Variants in ERC2 observed in about 807,000 individuals in gnomAD.
The protein encoded by ERC2 is ERC protein 2.
In ERC2, 42 loss-of-function variants were observed where a neutral mutation model predicts 114.8. That is an observed-to-expected ratio of 0.37 (90% CI 0.29 to 0.47). The LOEUF (loss-of-function observed/expected upper bound fraction) is 0.47. Ranked by LOEUF, ERC2 falls within the 20% of genes least tolerant of loss-of-function variation. ERC2 has a pLI of 0.99. For synonymous variants in ERC2, 454 were observed against 425.5 expected (o/e 1.07, Z -0.82); for missense variants, 939 against 1,150.7 (o/e 0.82, Z 2.66).
intron 3 of ERC2, among the ~76,000 whole-genome samples, chr3:56,275,706 T>C (rs78535209): frequency 0.011 from 1,618 of 152,308 alleles, 25 homozygotes; most frequent in African/African-American, 0.037. Context: ...TCCCAGAAGA[T>C]GTTGATGCTG....
intron 6 of ERC2, among the ~76,000 whole-genome samples, chr3:56,117,606 G>A (rs1164317681): frequency 6.6e-6 from 1 of 152,212 alleles, no homozygotes; most frequent in Non-Finnish European, 1.5e-5. Flanking sequence ...CCCTCAAGGG[G>A]GTGTTGTGAA....
chr3:56,306,396 G>A (rs1205956507), intron 2 of ERC2, among the ~76,000 whole-genome samples: 1 of 152,148 alleles, frequency 6.6e-6, no homozygotes, highest in East Asian at 1.9e-4. Context: ...TATGACATAA[G>A]CATGTAATGG....
chr3:56,269,252 A>T (rs1238532244), intron 3 of ERC2, among the ~76,000 whole-genome samples: 1 of 152,202 alleles, frequency 6.6e-6, no homozygotes, highest in Admixed American at 6.5e-5. Context: ...GAGGAATTAG[A>T]TCCTTCCTGG....
At chr3:55,577,805 G>A (rs905481211) in intron 17 of ERC2, among the ~76,000 whole-genome samples, 5 of 152,114 alleles carry the variant, frequency 3.3e-5, no homozygotes, top group Admixed American at 6.5e-5. Context: ...ATGTTCCTGC[G>A]AAAGAAGAAG....
chr3:56,134,866 T>A (rs972013803), intron 6 of ERC2, among the ~76,000 whole-genome samples: 2 of 152,078 alleles, frequency 1.3e-5, no homozygotes, highest in African/African-American at 4.8e-5. Context: ...CCATGCCGAG[T>A]TGGAGAAAAG....
chr3:56,080,735 T>C (rs1318207700), intron 7 of ERC2, 82 bp downstream of exon 7: 21 of 1,404,664 alleles, frequency 1.5e-5, no homozygotes, highest in Non-Finnish European at 1.8e-5. Flanking sequence ...AAAGATCACT[T>C]ATTTTCCATG....
intron 12 of ERC2, among the ~76,000 whole-genome samples, chr3:55,970,987 C>A (rs1476051317): frequency 6.6e-6 from 1 of 152,064 alleles, no homozygotes; most frequent in Non-Finnish European, 1.5e-5. Context: ...TATACCCACA[C>A]AATGGAATAT....
chr3:56,104,898 T>C (rs929637036), intron 6 of ERC2, among the ~76,000 whole-genome samples: 4 of 152,040 alleles, frequency 2.6e-5, no homozygotes, highest in Non-Finnish European at 5.9e-5. Context: ...TTAGGTTATA[T>C]AGAACGCTAG....
chr3:56,387,896 G>C (rs2059991720), intron 2 of ERC2, among the ~76,000 whole-genome samples: 1 of 152,176 alleles, frequency 6.6e-6, no homozygotes, highest in African/African-American at 2.4e-5. Context: ...CTAGAATAAT[G>C]TGGTGTGTTA....
chr3:55,552,239 G>A lies in ERC2; in HGVS notation c.*40-40963C>T, dbSNP rs150811031. 2.6e-4 allele frequency among the ~76,000 whole-genome samples: 39 copies of A among 152,202 alleles called. No individual in the cohort carries two copies. In the East Asian group the frequency reaches 7.3e-3, roughly 29 times the overall value. ...GAAGTTTCCTCTATGCCCCAGCCAC[G>A]TCTGTTTATAACTTGACCTTGGCCA... On this transcript the variant is annotated intron_variant, in intron 17 of 17. Coordinates refer to ENST00000288221, the MANE Select transcript of ERC2 (RefSeq NM_015576.3).
At chr3:55,680,502 C>T (rs1013840465) in intron 17 of ERC2, among the ~76,000 whole-genome samples, 1 of 152,204 alleles carries the variant, frequency 6.6e-6, no homozygotes, top group African/African-American at 2.4e-5. Flanking sequence ...ATGATACCTA[C>T]ATTAAGTGGA....
chr3:55,827,205 A>C (rs2060359935), intron 14 of ERC2, among the ~76,000 whole-genome samples: 1 of 152,162 alleles, frequency 6.6e-6, no homozygotes, highest in Non-Finnish European at 1.5e-5. Flanking sequence ...TAAGGAAAGA[A>C]AATAAAGGAA....
intron 7 of ERC2, among the ~76,000 whole-genome samples, chr3:56,046,268 T>C (rs1440870618): frequency 6.6e-6 from 1 of 152,206 alleles, no homozygotes; most frequent in Non-Finnish European, 1.5e-5. Flanking sequence ...GAACTTATTT[T>C]TCAAAGGTCT....
chr3:56,223,891 T>G (rs914057944), intron 3 of ERC2, among the ~76,000 whole-genome samples: 4 of 152,244 alleles, frequency 2.6e-5, no homozygotes, highest in Non-Finnish European at 5.9e-5. Flanking sequence ...TACATGTTAA[T>G]TCAATCACAT....
At chr3:56,051,719 A>C (rs1028530341) in intron 7 of ERC2, among the ~76,000 whole-genome samples, 7 of 151,750 alleles carry the variant, frequency 4.6e-5, no homozygotes, top group African/African-American at 1.5e-4. Flanking sequence ...CCAGCTACTC[A>C]AGAGACTGAG....
chr3:56,140,180 A>C (rs946502689), intron 5 of ERC2, among the ~76,000 whole-genome samples: 5 of 152,226 alleles, frequency 3.3e-5, no homozygotes, highest in African/African-American at 1.2e-4. Context: ...CAAAAAGAAC[A>C]TAAAATATAC....
intron 17 of ERC2, among the ~76,000 whole-genome samples, chr3:55,668,089 A>G (rs1200541903): frequency 6.6e-6 from 1 of 152,102 alleles, no homozygotes; most frequent in Non-Finnish European, 1.5e-5. Context: ...CTCTCTCACT[A>G]TATACATATA....
chr3:55,810,528 T>C (rs2059678664), intron 14 of ERC2, among the ~76,000 whole-genome samples: 1 of 151,714 alleles, frequency 6.6e-6, no homozygotes, highest in Admixed American at 6.6e-5. Context: ...AATGGCATGA[T>C]CTCAGCTCAC....
chr3:55,730,715 T>C (rs934614645), intron 15 of ERC2, among the ~76,000 whole-genome samples: 1 of 152,012 alleles, frequency 6.6e-6, no homozygotes, highest in Non-Finnish European at 1.5e-5. Context: ...TACAAAAAAA[T>C]ACAAAAATGA....
Sources: gnomAD v4.1 joint callset for allele counts (sites outside exome capture counted in the v4.1 genomes callset) on GRCh38, gnomAD v4.1.1 for gene constraint, MANE v1.5 for transcripts, NCBI Gene and HGNC (gene_info 2026-07-23, HGNC 2026-07-21) for gene names.